TMEM74B: variants seen among roughly 807,000 people sequenced by gnomAD.
The protein encoded by TMEM74B is transmembrane protein 74B, also known as transmembrane protein C20orf46.
TMEM74B carries 7 observed loss-of-function variants against 6.5 expected under a neutral mutation model. The observed-to-expected ratio is 1.07, with a 90% confidence interval of 0.61 to 2.01. The LOEUF (loss-of-function observed/expected upper bound fraction) is 2.01. Ranked by LOEUF, TMEM74B falls within the 30% of genes most tolerant of loss-of-function variation. The probability of loss-of-function intolerance (pLI) is 0.00; values close to 1 mark genes in which losing one functional copy is unlikely to be tolerated. For missense variants in TMEM74B, 342 were observed against 337.0 expected (o/e 1.01, Z -0.12); for synonymous variants, 151 against 151.6 (o/e 1.00, Z 0.03).
upstream of TMEM74B, among the ~76,000 whole-genome samples, chr20:1,188,486 A>C (rs1255425092): frequency 2.0e-5 from 3 of 148,794 alleles, no homozygotes; most frequent in South Asian, 2.1e-4. Flanking sequence ...CACTACACAC[A>C]CCACACACAC....
upstream of TMEM74B, among the ~76,000 whole-genome samples, chr20:1,188,163 C>T (rs535526119): frequency 1.3e-5 from 2 of 151,110 alleles, no homozygotes; most frequent in African/African-American, 4.9e-5. Context: ...AATACACACA[C>T]ACACACACAC....
At chr20:1,189,273 T>C (rs1043928552), upstream of TMEM74B, 4 of 152,134 alleles carry the variant, frequency 2.6e-5, no homozygotes, top group Non-Finnish European at 5.9e-5. This position sits in a 1 kb window ranked among gnomAD's most constrained non-coding sequence, Gnocchi z 4.5. Context: ...ACAAGGAAAG[T>C]CTGAGAAATT....
At chr20:1,185,254 T>G (rs2086991534), upstream of TMEM74B, 1 of 144,088 alleles carries the variant, frequency 6.9e-6, no homozygotes, top group Non-Finnish European at 1.6e-5. Flanking sequence ...GGCGTACGCC[T>G]GCGGGGGTCT....
chr20:1,181,023 A>G lies in TMEM74B; in HGVS notation c.596T>C (p.Leu199Pro). The change falls in exon 3 of 3, where the codon CTG becomes CCG. Residue 199 changes from leucine to proline, a missense_variant. By Grantham distance (98) the Leu-to-Pro change is moderately conservative. Coordinates refer to ENST00000429036, the MANE Select transcript of TMEM74B (RefSeq NM_001304748.2). This position sits in a 1 kb window ranked among gnomAD's most constrained non-coding sequence, Gnocchi z 4.9. ...MLLSVLLMVSLCKGELYRRRT... is the reference protein window; with the variant it reads ...MLLSVLLMVSPCKGELYRRRT... ...CCGGCGGTACAGCTCGCCCTTGCACAGGGAGACCATGAGCAGCACCGACAA... is the reference window on the plus strand; with the variant it reads ...CCGGCGGTACAGCTCGCCCTTGCACGGGGAGACCATGAGCAGCACCGACAA... 1 of 1,613,818 alleles carries G rather than the reference A, an allele frequency of 6.2e-7. No individual in the cohort carries two copies. The highest frequency in any genetic ancestry group is 1.3e-5 in the African/African-American group (1 of 75,032).
rs202228467 is a variant in TMEM74B at position 1,180,626 on chromosome 20, G to A, written c.*222C>T. On this transcript the variant is annotated 3_prime_UTR_variant, in exon 3 of 3. Transcript: ENST00000429036. The surrounding 1 kb of genome is among the most constrained non-coding windows in gnomAD (Gnocchi z 6.1). ...CAGAAGCCATCCTCCAAACAAAACC[G>A]TATGCAAAACCTCAGCTACAAAACA... is the stretch of plus-strand genomic sequence containing the variant. 12 of 469,834 alleles carry A rather than the reference G, an allele frequency of 2.6e-5. No individual in the cohort carries two copies. Among genetic ancestry groups the A allele is most frequent in the African/African-American group, 2.0e-4 (10 of 50,088 alleles). The allele number at this position is 469,834 out of a possible 1,614,324, so 29.1% of individuals were successfully genotyped here.
upstream of TMEM74B, among the ~76,000 whole-genome samples, chr20:1,188,071 A>G (rs1341714061): frequency 3.3e-5 from 5 of 152,092 alleles, no homozygotes; most frequent in Admixed American, 3.3e-4. Flanking sequence ...GCAACAGATT[A>G]GAATTGGAGA....
At chr20:1,187,017 TC>T (rs1353537965), upstream of TMEM74B, among the ~76,000 whole-genome samples, 10 of 152,176 alleles carry the variant, frequency 6.6e-5, no homozygotes, top group Non-Finnish European at 1.5e-4. Flanking sequence ...CACTCACTGT[TC>T]CTTCCCTCAG....
chr20:1,181,580 C>T lies in TMEM74B; in HGVS notation c.39G>A (p.Lys13=). 1 of 1,450,204 alleles carries T rather than the reference C, an allele frequency of 6.9e-7. No individual in the cohort carries two copies. The highest frequency in any genetic ancestry group is 1.6e-5 in the South Asian group (1 of 62,910). The allele number at this position is 1,450,204 out of a possible 1,614,324, so 89.8% of individuals were successfully genotyped here. ...AGGGCCCCAGCTCATCCCTTGGCCC[C>T]TTGGCAGCTGGAAGAGAAAAAAGAA... The part of the protein sequence containing the change: ...PAQGYEFAAA[K]GPRDELGPSF... The change falls in exon 3 of 3, where the codon AAG becomes AAA. Residue 13 remains lysine, a synonymous_variant. Coordinates refer to ENST00000429036, the MANE Select transcript of TMEM74B (RefSeq NM_001304748.2). This position sits in a 1 kb window ranked among gnomAD's most constrained non-coding sequence, Gnocchi z 4.9.
In TMEM74B at chr20:1,181,304, A is replaced by G. The variant is rs1487584209; in HGVS notation, c.315T>C (p.His105=). The change falls in exon 3 of 3, where the codon CAT becomes CAC. Residue 105 remains histidine, a synonymous_variant. Coordinates refer to ENST00000429036, the MANE Select transcript of TMEM74B (RefSeq NM_001304748.2). The surrounding 1 kb of genome is among the most constrained non-coding windows in gnomAD (Gnocchi z 4.9). The part of the protein sequence containing the change: ...PRSQRDDLSL[H]SEEGPALEPV... ...GCTCCAGGGCTGGCCCCTCCTCTGA[A>G]TGAAGGGACAGATCATCCCGCTGGG... The G allele has an allele frequency of 6.2e-7, 1 of 1,611,310 alleles. No homozygotes were observed. The highest frequency in any genetic ancestry group is 2.2e-5 in the East Asian group (1 of 44,848).
chr20:1,182,538 G>C (rs2086899921), intron 2 of TMEM74B, among the ~76,000 whole-genome samples: 1 of 152,174 alleles, frequency 6.6e-6, no homozygotes, highest in Non-Finnish European at 1.5e-5. Context: ...GGATGGCATG[G>C]CTAAAAGGGC....
In TMEM74B at chr20:1,180,863, G is replaced by T. The variant is rs1204673150; in HGVS notation, c.756C>A (p.Thr252=). The T allele has an allele frequency of 6.3e-7, 1 of 1,595,474 alleles. No individual in the cohort carries two copies. The highest frequency in any genetic ancestry group is 1.3e-5 in the African/African-American group (1 of 74,402). The part of the protein sequence containing the change: ...EVVQVSETSH[T]LQRS ...GGGCTAGTTCTTAAGACCTCTGGAG[G>T]GTGTGGCTAGTCTCTGAGACCTGGA... Residue 252 remains threonine (T), a synonymous_variant, in exon 3 of 3, where the codon ACC becomes ACA. Transcript: ENST00000429036. The surrounding 1 kb of genome is among the most constrained non-coding windows in gnomAD (Gnocchi z 6.1).
upstream of TMEM74B, among the ~76,000 whole-genome samples, chr20:1,188,339 T>A (rs1696372053): frequency 6.6e-6 from 1 of 151,732 alleles, no homozygotes; most frequent in Non-Finnish European, 1.5e-5. Context: ...AATTGCTGTT[T>A]ATAGGACTTG....
chr20:1,187,682 C>T (rs1343261736), upstream of TMEM74B, among the ~76,000 whole-genome samples: 4 of 152,208 alleles, frequency 2.6e-5, no homozygotes, highest in Non-Finnish European at 5.9e-5. Context: ...AAAGAGAAGT[C>T]CAGCAGAGCG....
Position 1,181,464 on chromosome 20 carries a change from A to G in TMEM74B, c.155T>C (p.Val52Ala). ...APRRSAPLGP[V>A]APTREGVENA... ...CTCCACACCCTCCCTGGTTGGGGCC[A>G]CTGGGCCCAGGGGAGCTGATCTCCT... Residue 52 changes from valine to alanine, a missense_variant, in exon 3 of 3, where the codon GTG (valine) becomes GCG (alanine). By Grantham distance (64) the Val-to-Ala change is moderately conservative. Transcript: ENST00000429036. This position sits in a 1 kb window ranked among gnomAD's most constrained non-coding sequence, Gnocchi z 4.9. The G allele has an allele frequency of 6.6e-7, 1 of 1,513,510 alleles. No homozygotes were observed. The highest frequency in any genetic ancestry group is 8.8e-7 in the Non-Finnish European group (1 of 1,131,714). The allele number at this position is 1,513,510 out of a possible 1,614,324, so 93.8% of individuals were successfully genotyped here.
upstream of TMEM74B, chr20:1,186,127 A>G (rs966509222): frequency 6.6e-6 from 1 of 151,768 alleles, no homozygotes; most frequent in Non-Finnish European, 1.5e-5. Context: ...GCACACACCC[A>G]CTTACCCCAC....
At chr20:1,185,511 G>GGGAGCTCCGCCCGCGGCC (rs1180635277), upstream of TMEM74B, 1 of 150,712 alleles carries the variant, frequency 6.6e-6, no homozygotes, top group Non-Finnish European at 1.5e-5. Flanking sequence ...GCGCCGCGGA[G>GGGAGCTCCGCCCGCGGCC]GGAGCTCCGC....
At chr20:1,183,318 G>GTC in intron 2 of TMEM74B, among the ~76,000 whole-genome samples, 1 of 126,628 alleles carries the variant, frequency 7.9e-6, no homozygotes, top group Non-Finnish European at 1.8e-5. Context: ...GTGTGTGTTT[G>GTC]TGTGTGTGTG....
chr20:1,182,357 G>A (rs2086894196), intron 2 of TMEM74B, among the ~76,000 whole-genome samples: 1 of 152,206 alleles, frequency 6.6e-6, no homozygotes, highest in Non-Finnish European at 1.5e-5. Context: ...TCAGAGGCCA[G>A]CTGGGGCCGG....
chr20:1,182,636 C>A (rs2086902385), intron 2 of TMEM74B, among the ~76,000 whole-genome samples: 1 of 152,148 alleles, frequency 6.6e-6, no homozygotes, highest in East Asian at 1.9e-4. Flanking sequence ...TGGACTAGAA[C>A]CACAGGAGGG....
Sources: allele counts gnomAD v4.1 joint callset (sites outside exome capture counted in the v4.1 genomes callset), GRCh38; gene constraint gnomAD v4.1.1; non-coding constraint Gnocchi (gnomAD v3.1); transcripts MANE v1.5; gene names NCBI Gene and HGNC (gene_info 2026-07-23, HGNC 2026-07-21).